NEBL: variants seen among roughly 807,000 people sequenced by gnomAD.
The protein encoded by NEBL is LIM and SH3 protein 2.
In NEBL, 122 loss-of-function variants were observed where a neutral mutation model predicts 140.2. That is an observed-to-expected ratio of 0.87 (90% CI 0.75 to 1.01). The LOEUF is 1.01. NEBL is among the 50% of genes least tolerant of loss of function. NEBL has a pLI of 0.00. For synonymous variants in NEBL, 436 were observed against 398.9 expected (o/e 1.09, Z -1.11); for missense variants, 1,365 against 1,231.3 (o/e 1.11, Z -1.62).
chr10:20,875,249 T>G (rs575364029), intron 5 of NEBL, among the ~76,000 whole-genome samples: 9 of 152,296 alleles, frequency 5.9e-5, no homozygotes, highest in African/African-American at 2.2e-4. Flanking sequence ...GTCTTTTGCA[T>G]GTTCCCTATG....
intron 4 of NEBL, among the ~76,000 whole-genome samples, chr10:20,916,609 C>T (rs1848568203): frequency 6.6e-6 from 1 of 152,142 alleles, no homozygotes; most frequent in Non-Finnish European, 1.5e-5. Flanking sequence ...AAGGTTTCAC[C>T]ATGTTGGCCA....
intron 24 of NEBL, among the ~76,000 whole-genome samples, chr10:20,811,498 T>A (rs892941176): frequency 1.3e-5 from 2 of 152,192 alleles, no homozygotes; most frequent in African/African-American, 4.8e-5. Context: ...AACTCATCCA[T>A]CCAACTTAAT....
intron 2 of NEBL, among the ~76,000 whole-genome samples, chr10:21,082,271 G>A (rs1836401425): frequency 6.6e-6 from 1 of 152,136 alleles, no homozygotes; most frequent in Admixed American, 6.5e-5. Flanking sequence ...TTGCAATAAA[G>A]AATATTTATT....
Position 20,792,104 on chromosome 10 carries a change from G to A in NEBL, c.2762-4796C>T, listed in dbSNP as rs545205913. On this transcript the variant is annotated intron_variant, in intron 26 of 27. Coordinates refer to ENST00000377122, the MANE Select transcript of NEBL (RefSeq NM_006393.3). ...CCTCAATGACTATAGAGATACAGTC[G>A]ATGGCCAAATTCCAAATAGAAAAAA... Among the ~76,000 whole-genome samples the A allele has an allele frequency of 6.4e-5, 9 of 141,436 alleles. No individual in the cohort carries two copies. The East Asian group carries it at 8.3e-4, about 13-fold the overall frequency. The allele number at this position is 141,436 out of a possible 152,430, so 92.8% of individuals were successfully genotyped here.
chr10:20,996,726 T>C (rs941663151), intron 3 of NEBL, among the ~76,000 whole-genome samples: 7 of 152,192 alleles, frequency 4.6e-5, no homozygotes, highest in Admixed American at 2.0e-4. Context: ...AAAAGTATCA[T>C]ATGGACTGCC....
At chr10:21,177,585 A>G (rs1158185818), upstream of NEBL, among the ~76,000 whole-genome samples, 3 of 151,578 alleles carry the variant, frequency 2.0e-5, no homozygotes, top group East Asian at 5.8e-4. Context: ...GCTGGAGTAC[A>G]GTGGCATGAT....
At chr10:21,133,146 T>C (rs1839194413) in intron 2 of NEBL, among the ~76,000 whole-genome samples, 1 of 152,170 alleles carries the variant, frequency 6.6e-6, no homozygotes, top group Non-Finnish European at 1.5e-5. Flanking sequence ...TTTGTATGTG[T>C]GTGAGGTGGG....
chr10:20,862,080 CATT>C (rs1285990618), intron 7 of NEBL, among the ~76,000 whole-genome samples: 2 of 152,142 alleles, frequency 1.3e-5, no homozygotes, highest in African/African-American at 2.4e-5. Context: ...AAGGCAGAAT[CATT>C]ATATGGGTAC....
In NEBL at chr10:20,897,300, T is replaced by TAA. The variant is rs540185859; in HGVS notation, c.-96_-95insTT. ...CTTGAGATGCTGACGTCTCTGGTGC[T>TAA]CTGGCAGAAATGCCCTTGCCCAAGC... On this transcript the variant is annotated 5_prime_UTR_variant, in exon 1 of 28. Transcript: ENST00000377122. 1,697 of 1,509,432 alleles carry TAA rather than the reference T, an allele frequency of 1.1e-3. 21 individuals carry two copies. The South Asian group carries it at 0.014, about 13-fold the overall frequency. 93.5% of individuals were successfully genotyped at this position (1,509,432 alleles called of 1,614,324 possible).
At chr10:21,078,235 C>A (rs894787994) in intron 2 of NEBL, among the ~76,000 whole-genome samples, 1 of 152,072 alleles carries the variant, frequency 6.6e-6, no homozygotes, top group African/African-American at 2.4e-5. Context: ...ACAAATGGAC[C>A]AGAATGAAAT....
At chr10:20,794,083 T>C (rs1836263007) in intron 26 of NEBL, among the ~76,000 whole-genome samples, 1 of 152,180 alleles carries the variant, frequency 6.6e-6, no homozygotes, top group African/African-American at 2.4e-5. Context: ...GAAATCCAAG[T>C]CAAGAGAAAG....
At chr10:20,883,048 C>T (rs568407532) in intron 4 of NEBL, among the ~76,000 whole-genome samples, 4 of 152,328 alleles carry the variant, frequency 2.6e-5, no homozygotes, top group Middle Eastern at 6.8e-3. Context: ...CACTCCTGAA[C>T]ACCTTACATG....
At chr10:21,241,356 G>A (rs1392076004) in intron 3 of NEBL, among the ~76,000 whole-genome samples, 1 of 152,136 alleles carries the variant, frequency 6.6e-6, no homozygotes, top group Non-Finnish European at 1.5e-5. Context: ...CCTGCGGGAT[G>A]AGCTTGTTCG....
chr10:20,834,706 G>T (rs1840715261), intron 14 of NEBL, among the ~76,000 whole-genome samples: 1 of 152,124 alleles, frequency 6.6e-6, no homozygotes, highest in Admixed American at 6.5e-5. Flanking sequence ...CCCTTCACCT[G>T]CACCCCGATT....
chr10:21,108,004 C>T (rs1837800575), intron 2 of NEBL, among the ~76,000 whole-genome samples: 1 of 152,082 alleles, frequency 6.6e-6, no homozygotes, highest in South Asian at 2.1e-4. Context: ...TCTATGGGAT[C>T]GGTGGTGATA....
At chr10:21,137,390 G>T (rs1221341428) in intron 2 of NEBL, among the ~76,000 whole-genome samples, 2 of 152,154 alleles carry the variant, frequency 1.3e-5, no homozygotes, top group Admixed American at 1.3e-4. Flanking sequence ...TTAACTGTTC[G>T]TATAGCCTTG....
Position 20,782,067 on chromosome 10 carries a change from A to G in NEBL, c.*3680T>C, listed in dbSNP as rs1296327617. ...TAGCTCAACTCTATATAAATCCACA[A>G]AGAACCTTTCAGAAATAGATGGAAG... On this transcript the variant is annotated 3_prime_UTR_variant, in exon 28 of 28. Coordinates refer to ENST00000377122, the MANE Select transcript of NEBL (RefSeq NM_006393.3). 6.6e-6 allele frequency: 1 copy of G among 152,648 alleles called. No individual in the cohort carries two copies. The highest frequency in any genetic ancestry group is 1.5e-5 in the Non-Finnish European group (1 of 68,042). 9.5% of individuals were successfully genotyped at this position (152,648 alleles called of 1,614,324 possible). A position where few individuals can be genotyped will look rare whatever the true frequency, so the allele number is the denominator to read the frequency against.
At chr10:21,113,447 G>A (rs991380101) in intron 2 of NEBL, 2 of 409,366 alleles carry the variant, frequency 4.9e-6, no homozygotes, top group African/African-American at 2.2e-5. Context: ...AGTTGCTTCT[G>A]GATGACTGAC....
At chr10:20,834,355 G>A (rs73607522) in intron 14 of NEBL, among the ~76,000 whole-genome samples, 3,169 of 152,272 alleles carry the variant, frequency 0.021, 118 homozygotes, top group African/African-American at 0.072. Context: ...AAGGGATAAA[G>A]CAGGTTTTCA....
Sources: allele counts gnomAD v4.1 joint callset (sites outside exome capture counted in the v4.1 genomes callset), GRCh38; gene constraint gnomAD v4.1.1; transcripts MANE v1.5; gene names NCBI Gene and HGNC (gene_info 2026-07-23, HGNC 2026-07-21).